The following MIX23 variants were observed in gnomAD, a reference collection of about 807,000 sequenced individuals.
MIX23 encodes mitochondrial matrix import factor 23, also known as protein MIX23.
MIX23 carries 13 observed loss-of-function variants against 21.6 expected under a neutral mutation model. The observed-to-expected ratio is 0.60, with a 90% confidence interval of 0.39 to 0.96. MIX23 has a LOEUF of 0.96. Ranked by LOEUF, MIX23 falls within the 40% of genes least tolerant of loss-of-function variation. The pLI is 0.00. For synonymous variants in MIX23, 59 were observed against 58.0 expected (o/e 1.02, Z -0.08); for missense variants, 144 against 171.2 (o/e 0.84, Z 0.89).
intron 3 of MIX23, among the ~76,000 whole-genome samples, chr3:122,366,222 A>ATAAT (rs1207353003): frequency 1.6e-5 from 2 of 128,926 alleles, no homozygotes; most frequent in African/African-American, 5.7e-5. Flanking sequence ...AAATAAATAA[A>ATAAT]TAATCTATAT....
chr3:122,377,067 G>A (rs1367351747), intron 1 of MIX23, among the ~76,000 whole-genome samples: 1 of 152,156 alleles, frequency 6.6e-6, no homozygotes, highest in Non-Finnish European at 1.5e-5. Flanking sequence ...TGTAGTCTCA[G>A]CTACTTAGGA....
In MIX23 at chr3:122,383,204, A is replaced by G; in HGVS notation, c.21T>C (p.Gly7=). 6.2e-7 allele frequency: 1 copy of G among 1,613,066 alleles called. No individual in the cohort carries two copies. The highest frequency in any genetic ancestry group is 8.5e-7 in the Non-Finnish European group (1 of 1,180,030). Residue 7 remains glycine (G), a synonymous_variant, in exon 1 of 5, where the codon GGT becomes GGC. Transcript: ENST00000291458. ...ACTCGGCGAACTCCTCACAGTTCAC[A>G]CCGCCACTGGGCGCCGCCATATTGG... MAAPSG[G]VNCEEFAEFQ... is the part of the protein sequence containing the mutation.
chr3:122,361,096 C>T (rs777642015), intron 4 of MIX23, among the ~76,000 whole-genome samples: 12 of 152,162 alleles, frequency 7.9e-5, no homozygotes, highest in Admixed American at 1.3e-4. Flanking sequence ...CCACTCACCT[C>T]GGCCTCCCAA....
chr3:122,360,029 A>AATCT, intron 4 of MIX23, 110 bp from the exon 5 acceptor site: 6 of 1,076,738 alleles, frequency 5.6e-6, no homozygotes, highest in Non-Finnish European at 8.2e-6. Flanking sequence ...TTTTGTCCTA[A>AATCT]GTCAACAGAT....
At chr3:122,380,609 A>G (rs1469021894) in intron 1 of MIX23, among the ~76,000 whole-genome samples, 1 of 152,226 alleles carries the variant, frequency 6.6e-6, no homozygotes, top group African/African-American at 2.4e-5. Flanking sequence ...GACACGTATG[A>G]GGACAATAAT....
intron 2 of MIX23, among the ~76,000 whole-genome samples, chr3:122,369,516 C>T (rs2075422838): frequency 6.6e-6 from 1 of 152,222 alleles, no homozygotes; most frequent in African/African-American, 2.4e-5. Context: ...GGGCACTCTG[C>T]TGCAGGCTCG....
chr3:122,375,448 T>C (rs2075477940), intron 1 of MIX23, among the ~76,000 whole-genome samples: 1 of 152,230 alleles, frequency 6.6e-6, no homozygotes, highest in South Asian at 2.1e-4. Flanking sequence ...TGTTAGAAAG[T>C]TGTAATCTTT....
chr3:122,368,677 A>G (rs1010606523), intron 2 of MIX23, among the ~76,000 whole-genome samples: 5 of 152,044 alleles, frequency 3.3e-5, no homozygotes, highest in Non-Finnish European at 5.9e-5. Context: ...GTGTTCCTCT[A>G]TTCTACAACC....
At position 122,377,429 on chromosome 3, in the gene MIX23, C is replaced by T. The variant is rs72956509; in HGVS notation, c.52-5629G>A. 4.4e-3 allele frequency among the ~76,000 whole-genome samples: 663 copies of T among 152,068 alleles called. 5 individuals are homozygous for T. The highest frequency in any genetic ancestry group is 0.015 in the African/African-American group (641 of 41,462). On this transcript the variant is annotated intron_variant, in intron 1 of 4. Coordinates refer to ENST00000291458, the MANE Select transcript of MIX23 (RefSeq NM_001017928.4). ...GATCACTGGAGGAGACTGTAGAAAG[C>T]GAAGGAGGCCAATGATTAAGGAATT...
chr3:122,375,566 A>G (rs2107685322), intron 1 of MIX23, among the ~76,000 whole-genome samples: 1 of 152,344 alleles, frequency 6.6e-6, no homozygotes, highest in South Asian at 2.1e-4. Flanking sequence ...CAGATGAAAC[A>G]AGAGTAGCCA....
chr3:122,378,583 T>C (rs972784752), intron 1 of MIX23, among the ~76,000 whole-genome samples: 11 of 152,250 alleles, frequency 7.2e-5, no homozygotes, highest in African/African-American at 2.7e-4. Flanking sequence ...GCTACAAACC[T>C]ATACAGCAGG....
chr3:122,369,049 A>G (rs2075418557), intron 2 of MIX23, among the ~76,000 whole-genome samples: 1 of 152,234 alleles, frequency 6.6e-6, no homozygotes, highest in Non-Finnish European at 1.5e-5. Flanking sequence ...TTGATTCTAA[A>G]GTATCATGGT....
At chr3:122,383,097 A>G in intron 1 of MIX23, 77 bp downstream of exon 1, 1 of 1,554,922 alleles carries the variant, frequency 6.4e-7, no homozygotes, top group South Asian at 1.1e-5. Flanking sequence ...GCTGGTTCAT[A>G]CTCCCTCGCA....
intron 1 of MIX23, among the ~76,000 whole-genome samples, chr3:122,377,567 G>A (rs2075497294): frequency 6.6e-6 from 1 of 152,148 alleles, no homozygotes; most frequent in Non-Finnish European, 1.5e-5. Context: ...AATTATATGG[G>A]GCCAGGTGTG....
intron 1 of MIX23, 133 bp downstream of exon 1, chr3:122,383,041 T>A: frequency 8.1e-7 from 1 of 1,229,764 alleles, no homozygotes; most frequent in Non-Finnish European, 1.2e-6. Flanking sequence ...CCCCATGACC[T>A]CCAATGGCTC....
chr3:122,374,371 C>G (rs2075466865), intron 1 of MIX23, among the ~76,000 whole-genome samples: 1 of 152,088 alleles, frequency 6.6e-6, no homozygotes, highest in Non-Finnish European at 1.5e-5. Flanking sequence ...GGTTCCAGGT[C>G]CTCCTATGGT....
At chr3:122,365,598 C>T (rs925303709) in intron 3 of MIX23, 2 of 152,254 alleles carry the variant, frequency 1.3e-5, no homozygotes, top group Non-Finnish European at 2.9e-5. Flanking sequence ...TCTAAACCCT[C>T]CTTGCAGTGG....
chr3:122,365,585 G>A (rs1364543980), intron 3 of MIX23: 1 of 152,186 alleles, frequency 6.6e-6, no homozygotes, highest in Non-Finnish European at 1.5e-5. Flanking sequence ...TCACTGATTG[G>A]TTTCTAAACC....
At chr3:122,377,721 G>A (rs185572089) in intron 1 of MIX23, among the ~76,000 whole-genome samples, 118 of 152,250 alleles carry the variant, frequency 7.8e-4, no homozygotes, top group Admixed American at 7.5e-3. Flanking sequence ...GGTGGCATGT[G>A]CCTACAGTCC....
Sources: allele counts gnomAD v4.1 joint callset (sites outside exome capture counted in the v4.1 genomes callset), GRCh38; gene constraint gnomAD v4.1.1; transcripts MANE v1.5; gene names NCBI Gene and HGNC (gene_info 2026-07-23, HGNC 2026-07-21).